ACAA2: variants seen among roughly 807,000 people sequenced by gnomAD.
ACAA2 encodes acetyl-CoA acyltransferase 2.
Under a neutral mutation model 44.8 loss-of-function variants are expected in ACAA2, and 35 were observed. The ratio of observed to expected loss-of-function variants is 0.78; its 90% CI spans 0.60 to 1.04. The LOEUF is 1.04. Ranked by LOEUF, ACAA2 falls within the 50% of genes least tolerant of loss-of-function variation. The pLI is 0.00. For missense variants in ACAA2, 468 were observed against 482.6 expected (o/e 0.97, Z 0.28); for synonymous variants, 142 against 166.5 (o/e 0.85, Z 1.13).
chr18:49,799,603 A>T (rs1278196542), intron 2 of ACAA2, among the ~76,000 whole-genome samples: 1 of 152,058 alleles, frequency 6.6e-6, no homozygotes, highest in Admixed American at 6.5e-5. Flanking sequence ...GGCCTCCCAA[A>T]GTGCCGAGAT....
chr18:49,803,201 C>T (rs1384934943), intron 1 of ACAA2, among the ~76,000 whole-genome samples: 1 of 150,104 alleles, frequency 6.7e-6, no homozygotes, highest in African/African-American at 2.4e-5. Context: ...AGATAAATAG[C>T]CAGATGGCCT....
intron 6 of ACAA2, 105 bp from the exon 7 acceptor site, chr18:49,791,704 G>C: frequency 8.6e-7 from 1 of 1,165,980 alleles, no homozygotes; most frequent in Non-Finnish European, 1.2e-6. Context: ...TACATAGGAA[G>C]CCAGTGCACA....
chr18:49,801,287 A>G (rs2023544859), intron 2 of ACAA2, among the ~76,000 whole-genome samples: 1 of 152,242 alleles, frequency 6.6e-6, no homozygotes, highest in South Asian at 2.1e-4. Flanking sequence ...AGAAAACTTA[A>G]CACAAGAAAA....
At chr18:49,795,446 C>A (rs2023454044) in intron 4 of ACAA2, among the ~76,000 whole-genome samples, 1 of 152,132 alleles carries the variant, frequency 6.6e-6, no homozygotes, top group Non-Finnish European at 1.5e-5. Context: ...TTAATTCACT[C>A]TTTTGTCTAT....
rs2023293938 is a variant in ACAA2 at position 49,783,832 on chromosome 18, A to G, written c.*15T>C. The G allele has an allele frequency of 6.2e-7, 1 of 1,609,684 alleles. No homozygotes were observed. The highest frequency in any genetic ancestry group is 1.7e-5 in the Admixed American group (1 of 59,970). ...AGTAGAGTAAGGATGGGTCACAGTGAGCTCACTGGTCTCTTCAGGCTGTGC... is the reference window on the plus strand; with the variant it reads ...AGTAGAGTAAGGATGGGTCACAGTGGGCTCACTGGTCTCTTCAGGCTGTGC... On this transcript the variant is annotated 3_prime_UTR_variant, in exon 10 of 10. Transcript: ENST00000285093.
chr18:49,800,307 G>A (rs1239366874), intron 2 of ACAA2, among the ~76,000 whole-genome samples: 25 of 148,398 alleles, frequency 1.7e-4, no homozygotes, highest in South Asian at 4.3e-4. Context: ...CAGCCGCCCC[G>A]TCCGGGAGGT....
intron 5 of ACAA2, among the ~76,000 whole-genome samples, chr18:49,793,451 G>A (rs933488764): frequency 6.6e-6 from 1 of 152,178 alleles, no homozygotes; most frequent in Non-Finnish European, 1.5e-5. Context: ...TTGATAACTT[G>A]TGCGTGGTAG....
chr18:49,812,858 G>C (rs550116759), intron 1 of ACAA2: 1 of 152,238 alleles, frequency 6.6e-6, no homozygotes, highest in Non-Finnish European at 1.5e-5. Context: ...CTTAAAGTAA[G>C]ATTCCATTGA....
chr18:49,796,728 CTT>C (rs1411384732), intron 3 of ACAA2, among the ~76,000 whole-genome samples: 1 of 152,128 alleles, frequency 6.6e-6, no homozygotes, highest in African/African-American at 2.4e-5. Flanking sequence ...GCCTCACGGT[CTT>C]TATTCAGTGC....
At chr18:49,799,234 C>T (rs977083403) in intron 2 of ACAA2, among the ~76,000 whole-genome samples, 1 of 152,084 alleles carries the variant, frequency 6.6e-6, no homozygotes, top group African/African-American at 2.4e-5. Context: ...CTCCTCCTCC[C>T]CCTCTCCCCA....
intron 2 of ACAA2, among the ~76,000 whole-genome samples, chr18:49,801,810 A>G (rs945608807): frequency 6.9e-6 from 1 of 144,990 alleles, no homozygotes; most frequent in Admixed American, 6.9e-5. Context: ...ATATATATAT[A>G]TATATCTTAT....
chr18:49,785,058 A>C (rs2023311952), intron 9 of ACAA2, 139 bp downstream of exon 9: 1 of 1,033,928 alleles, frequency 9.7e-7, no homozygotes, highest in Admixed American at 2.8e-5. Context: ...AGCACTGCCC[A>C]AGTAACTTGT....
At position 49,785,416 on chromosome 18, in the gene ACAA2, G is replaced by A. The variant is rs866436820; in HGVS notation, c.955-65C>T. 2.6e-5 allele frequency: 39 copies of A among 1,519,402 alleles called. 1 individual carries two copies. In the South Asian group the frequency reaches 4.2e-4, roughly 16 times the overall value. The allele number at this position is 1,519,402 out of a possible 1,614,324, so 94.1% of individuals were successfully genotyped here. ...CACAAACTAATTTTTAAATGAGAAT[G>A]GTCCAGTCCTATCAACAGCTAAGTC... On this transcript the variant is annotated intron_variant, in intron 8 of 9. Coordinates refer to ENST00000285093, the MANE Select transcript of ACAA2 (RefSeq NM_006111.3).
chr18:49,790,487 A>C (rs1416935267), intron 7 of ACAA2, among the ~76,000 whole-genome samples: 1 of 152,218 alleles, frequency 6.6e-6, no homozygotes, highest in African/African-American at 2.4e-5. Flanking sequence ...CCACCTCAGA[A>C]AACAATTTAG....
At position 49,796,459 on chromosome 18, in the gene ACAA2, G is replaced by A. The variant is rs959526673; in HGVS notation, c.313-578C>T. ...CCGAGGTCACTATTTAAGATATATC[G>A]TTATAGAAACAAATTAATGTGAAAA... On this transcript the variant is annotated intron_variant, in intron 3 of 9. Transcript: ENST00000285093. Among the ~76,000 whole-genome samples the A allele has an allele frequency of 4.6e-5, 7 of 152,188 alleles. No homozygotes were observed. In the East Asian group the frequency reaches 9.6e-4, roughly 21 times the overall value.
chr18:49,794,812 A>G (rs1278961441), intron 4 of ACAA2, among the ~76,000 whole-genome samples: 1 of 152,218 alleles, frequency 6.6e-6, no homozygotes, highest in Non-Finnish European at 1.5e-5. Flanking sequence ...TTTGTAAACC[A>G]GCCCTGAGCT....
chr18:49,786,587 T>C (rs1456898477), intron 8 of ACAA2: 1 of 151,868 alleles, frequency 6.6e-6, no homozygotes, highest in Non-Finnish European at 1.5e-5. Flanking sequence ...GCTATCAAGT[T>C]AAATAGATTT....
chr18:49,805,199 T>G (rs1220609950), intron 1 of ACAA2, among the ~76,000 whole-genome samples: 1 of 152,246 alleles, frequency 6.6e-6, no homozygotes, highest in African/African-American at 2.4e-5. Flanking sequence ...CAAATGAGAC[T>G]ATTCAAGCAT....
chr18:49,797,553 C>CT lies in ACAA2; in HGVS notation c.224_225insA (p.Arg76AlafsTer14). On this transcript the variant is annotated frameshift_variant, in exon 3 of 10. Coordinates refer to ENST00000285093, the MANE Select transcript of ACAA2 (RefSeq NM_006111.3). LOFTEE classifies it high-confidence loss of function. The stretch of plus-strand genomic sequence containing the variant: ...GGGTCTCCTTTGGGATTCCCACACG[C>CT]AAACCAACATGCCTTGCCAAATATA... 1 of 1,612,054 alleles carries CT rather than the reference C, an allele frequency of 6.2e-7. No homozygotes were observed. Among genetic ancestry groups the CT allele is most frequent in the Non-Finnish European group, 8.5e-7 (1 of 1,179,384 alleles).
Sources: allele counts gnomAD v4.1 joint callset (sites outside exome capture counted in the v4.1 genomes callset), GRCh38; gene constraint gnomAD v4.1.1; transcripts MANE v1.5; gene names NCBI Gene and HGNC (gene_info 2026-07-23, HGNC 2026-07-21).